PLPP1: variants seen among roughly 807,000 people sequenced by gnomAD.
PLPP1 encodes the protein lipid phosphate phosphohydrolase 1a.
Under a neutral mutation model 31.2 loss-of-function variants are expected in PLPP1, and 24 were observed. The observed-to-expected ratio is 0.77, with a 90% CI of 0.56 to 1.08. The LOEUF (loss-of-function observed/expected upper bound fraction) is 1.08, where lower values mean the gene tolerates loss of function less well. PLPP1 is among the 50% of genes least tolerant of loss of function. PLPP1 has a pLI of 0.00. For missense variants in PLPP1, 319 were observed against 342.7 expected (o/e 0.93, Z 0.55); for synonymous variants, 146 against 126.3 (o/e 1.16, Z -1.05).
At chr5:55,432,539 A>ATTACCC (rs1205225499) in intron 4 of PLPP1, among the ~76,000 whole-genome samples, 2 of 152,188 alleles carry the variant, frequency 1.3e-5, no homozygotes, top group Non-Finnish European at 2.9e-5. Context: ...TGAGGTGAGC[A>ATTACCC]TTACCCTGAT....
intron 1 of PLPP1, chr5:55,484,511 A>T (rs936847363): frequency 5.9e-5 from 9 of 152,190 alleles, no homozygotes; most frequent in Non-Finnish European, 1.0e-4. Flanking sequence ...AAACTTTTTT[A>T]AAAAATATTA....
intron 4 of PLPP1, among the ~76,000 whole-genome samples, chr5:55,430,169 C>T (rs1352901222): frequency 2.0e-5 from 3 of 152,196 alleles, no homozygotes; most frequent in South Asian, 2.1e-4. Flanking sequence ...ACTTGGGAAT[C>T]AGAGGGTTGT....
Position 55,424,885 on chromosome 5 carries a change from A to T in PLPP1, c.*321T>A. The T allele has an allele frequency of 1.4e-6, 1 of 724,244 alleles. No individual in the cohort carries two copies. Among genetic ancestry groups the T allele is most frequent in the South Asian group, 1.8e-5 (1 of 55,818 alleles). The allele number at this position is 724,244 out of a possible 1,614,324, so 44.9% of individuals were successfully genotyped here. ...TCTCCCATACATTTTAATATGTATT[A>T]TATTTAAATCAAACATCATTCATAG... On this transcript the variant is annotated 3_prime_UTR_variant, in exon 6 of 6. Transcript: ENST00000307259.
chr5:55,464,991 T>G (rs1476656544), intron 3 of PLPP1, among the ~76,000 whole-genome samples: 1 of 152,026 alleles, frequency 6.6e-6, no homozygotes, highest in African/African-American at 2.4e-5. Context: ...ATCTATTCTA[T>G]TTTTTTCCTT....
chr5:55,449,015 G>A (rs192272587), intron 3 of PLPP1, among the ~76,000 whole-genome samples: 6 of 152,206 alleles, frequency 3.9e-5, no homozygotes, highest in East Asian at 3.9e-4. Flanking sequence ...GTCTGTATAC[G>A]TTCAGTACAG....
chr5:55,494,503 A>G (rs188381621), intron 1 of PLPP1, among the ~76,000 whole-genome samples: 1 of 152,152 alleles, frequency 6.6e-6, no homozygotes. Flanking sequence ...GCAATCTGGC[A>G]CCTCCCTAAA....
chr5:55,520,697 C>T (rs1039071671), intron 1 of PLPP1, among the ~76,000 whole-genome samples: 1 of 152,120 alleles, frequency 6.6e-6, no homozygotes, highest in Non-Finnish European at 1.5e-5. Flanking sequence ...AGTTTATTGC[C>T]CAGTCATTCA....
At chr5:55,534,423 G>A (rs1307927667) in intron 1 of PLPP1, 149 bp downstream of exon 1, 2 of 806,810 alleles carry the variant, frequency 2.5e-6, no homozygotes, top group Non-Finnish European at 3.6e-6. Flanking sequence ...TGCAAAGCGG[G>A]GTCCCTCGGC....
At chr5:55,493,214 G>A (rs1403354745) in intron 1 of PLPP1, among the ~76,000 whole-genome samples, 1 of 151,704 alleles carries the variant, frequency 6.6e-6, no homozygotes. Flanking sequence ...ACTCAGGAGG[G>A]TGAGGCAGGA....
rs977154080 is a variant in PLPP1 at position 55,441,763 on chromosome 5, T to C, written c.549+88A>G. The C allele has an allele frequency of 1.7e-5, 23 of 1,381,300 alleles. No homozygotes were observed. The Admixed American group carries it at 3.7e-4, about 22-fold the overall frequency. 85.6% of individuals were successfully genotyped at this position (1,381,300 alleles called of 1,614,324 possible). A position where few individuals can be genotyped will look rare whatever the true frequency, so the allele number is the denominator to read the frequency against. ...TGTTTCACCTTTTGCTACTGGCTAA[T>C]TTATTAGGACAGGTGAGGACACTGA... On this transcript the variant is annotated intron_variant, in intron 4 of 5. Transcript: ENST00000307259.
intron 3 of PLPP1, among the ~76,000 whole-genome samples, chr5:55,465,950 G>T (rs958282048): frequency 6.6e-6 from 1 of 152,198 alleles, no homozygotes; most frequent in African/African-American, 2.4e-5. Flanking sequence ...CAGGGAATGA[G>T]ATCTACACAG....
At chr5:55,488,365 A>C (rs371880511) in intron 1 of PLPP1, among the ~76,000 whole-genome samples, 13 of 151,550 alleles carry the variant, frequency 8.6e-5, no homozygotes, top group African/African-American at 2.9e-4. Flanking sequence ...GTCAAACTAG[A>C]TTGGGTGTGG....
chr5:55,513,909 G>T lies in PLPP1; in HGVS notation c.58+20663C>A, dbSNP rs113774517. Among the ~76,000 whole-genome samples the T allele has an allele frequency of 6.9e-3, 1,056 of 152,298 alleles. 15 individuals carry two copies. Among genetic ancestry groups the T allele is most frequent in the African/African-American group, 0.023 (943 of 41,572 alleles). Reference sequence around the variant, plus strand: ...CCACTGCACTTCAGCCTGGGAGACAGATGTTGTGTAGGGTGGGGATTGAGA... The same window carrying T: ...CCACTGCACTTCAGCCTGGGAGACATATGTTGTGTAGGGTGGGGATTGAGA... On this transcript the variant is annotated intron_variant, in intron 1 of 5. Coordinates refer to ENST00000307259, the MANE Select transcript of PLPP1 (RefSeq NM_003711.4).
intron 1 of PLPP1, among the ~76,000 whole-genome samples, chr5:55,510,860 T>C (rs1276551214): frequency 1.3e-5 from 2 of 152,186 alleles, no homozygotes; most frequent in Non-Finnish European, 2.9e-5. Context: ...AGAATAATAC[T>C]GTGTACATAC....
intron 4 of PLPP1, 137 bp downstream of exon 4, chr5:55,441,714 A>T: frequency 4.1e-6 from 4 of 966,618 alleles, no homozygotes; most frequent in Non-Finnish European, 4.9e-6. Context: ...TCTCAGTATG[A>T]AACTTACAGA....
At chr5:55,457,014 C>G (rs972765689) in intron 3 of PLPP1, among the ~76,000 whole-genome samples, 2 of 151,682 alleles carry the variant, frequency 1.3e-5, no homozygotes, top group Admixed American at 1.3e-4. Flanking sequence ...ACAAAAATTA[C>G]CCGGGGAGGG....
At chr5:55,458,050 G>A (rs535710130) in intron 3 of PLPP1, among the ~76,000 whole-genome samples, 1 of 152,256 alleles carries the variant, frequency 6.6e-6, no homozygotes, top group East Asian at 1.9e-4. Context: ...AGAGACATAG[G>A]CATGGCATTT....
chr5:55,490,912 ACCTC>A (rs777724055), intron 1 of PLPP1: 1 of 1,551,266 alleles, frequency 6.4e-7, no homozygotes, highest in Non-Finnish European at 8.8e-7. Flanking sequence ...GCTTCATCCA[ACCTC>A]CAGCACAACA....
intron 3 of PLPP1, among the ~76,000 whole-genome samples, chr5:55,443,234 C>CAT (rs1554037320): frequency 1.0e-4 from 13 of 124,874 alleles, no homozygotes; most frequent in Non-Finnish European, 1.8e-4. Context: ...CACACACACA[C>CAT]ATATATATGA....
Sources: allele counts gnomAD v4.1 joint callset (sites outside exome capture counted in the v4.1 genomes callset), GRCh38; gene constraint gnomAD v4.1.1; transcripts MANE v1.5; gene names NCBI Gene and HGNC (gene_info 2026-07-23, HGNC 2026-07-21).